The following LRRC4C variants were observed in gnomAD, a reference collection of about 807,000 sequenced individuals.
The protein encoded by LRRC4C is leucine rich repeat containing 4C.
In LRRC4C, 5 loss-of-function variants were observed where a neutral mutation model predicts 33.6. That is an observed-to-expected ratio of 0.15 (90% confidence interval 0.08 to 0.31). LRRC4C has a LOEUF of 0.31. LRRC4C is among the 10% of genes least tolerant of loss of function. The pLI is 1.00. For synonymous variants in LRRC4C, 329 were observed against 302.0 expected (o/e 1.09, Z -0.93); for missense variants, 560 against 796.7 (o/e 0.70, Z 3.58).
intron 1 of LRRC4C, among the ~76,000 whole-genome samples, chr11:41,244,904 C>T (rs1948392291): frequency 6.6e-6 from 1 of 152,080 alleles, no homozygotes; most frequent in African/African-American, 2.4e-5. Flanking sequence ...AACGATAATG[C>T]TTAGCATTAA....
chr11:40,188,526 A>G (rs560887988), intron 5 of LRRC4C, among the ~76,000 whole-genome samples: 51 of 152,300 alleles, frequency 3.3e-4, no homozygotes, highest in Admixed American at 1.4e-3. Flanking sequence ...TCTACCTTGC[A>G]TGTTTCTACT....
chr11:41,395,152 A>C (rs1222351343), intron 1 of LRRC4C, among the ~76,000 whole-genome samples: 1 of 151,990 alleles, frequency 6.6e-6, no homozygotes, highest in Admixed American at 6.6e-5. Context: ...CTCAGAGTTA[A>C]AACAGTTAAC....
chr11:40,650,616 T>C (rs1406689018), intron 2 of LRRC4C, among the ~76,000 whole-genome samples: 5 of 152,184 alleles, frequency 3.3e-5, no homozygotes, highest in Non-Finnish European at 7.4e-5. Flanking sequence ...TGAAATTTTG[T>C]TATTTGACAT....
At chr11:41,451,559 A>G (rs1248935666) in intron 1 of LRRC4C, among the ~76,000 whole-genome samples, 1 of 152,134 alleles carries the variant, frequency 6.6e-6, no homozygotes, top group African/African-American at 2.4e-5. Context: ...CACATCCAGG[A>G]GAGTCATGGC....
intron 4 of LRRC4C, among the ~76,000 whole-genome samples, chr11:40,282,515 G>C (rs1192412555): frequency 2.0e-5 from 3 of 152,030 alleles, no homozygotes; most frequent in Non-Finnish European, 4.4e-5. Context: ...GATTTCAAAA[G>C]CAGGATGAAG....
chr11:41,034,490 C>T (rs1590306309), intron 1 of LRRC4C, among the ~76,000 whole-genome samples: 1 of 143,634 alleles, frequency 7.0e-6, no homozygotes, highest in African/African-American at 2.6e-5. Context: ...TATATATATA[C>T]ACATATATAT....
chr11:40,514,964 T>G (rs1270495824), intron 3 of LRRC4C, among the ~76,000 whole-genome samples: 2 of 152,134 alleles, frequency 1.3e-5, no homozygotes, highest in Non-Finnish European at 2.9e-5. Flanking sequence ...AACTTGATAC[T>G]AAACTAAAAC....
chr11:40,175,382 C>G (rs1299361147), intron 5 of LRRC4C, among the ~76,000 whole-genome samples: 1 of 152,216 alleles, frequency 6.6e-6, no homozygotes, highest in Non-Finnish European at 1.5e-5. Flanking sequence ...AAAACCAGAC[C>G]GGCTTGTCTC....
intron 1 of LRRC4C, among the ~76,000 whole-genome samples, chr11:40,966,592 G>A (rs140632636): frequency 2.0e-5 from 3 of 151,874 alleles, no homozygotes; most frequent in Non-Finnish European, 4.4e-5. Flanking sequence ...CTTAGCATAG[G>A]TATGTACACC....
chr11:41,055,960 G>T (rs1004046246), intron 1 of LRRC4C, among the ~76,000 whole-genome samples: 1 of 152,094 alleles, frequency 6.6e-6, no homozygotes, highest in East Asian at 1.9e-4. Flanking sequence ...TGCTTTTAAT[G>T]CATATTTTCT....
intron 2 of LRRC4C, among the ~76,000 whole-genome samples, chr11:40,808,169 TC>T (rs1251784448): frequency 2.0e-5 from 3 of 152,094 alleles, no homozygotes; most frequent in African/African-American, 7.2e-5. Context: ...ATATTGTGTA[TC>T]CTATAGTATA....
intron 1 of LRRC4C, among the ~76,000 whole-genome samples, chr11:41,350,339 T>A (rs1453356378): frequency 6.6e-6 from 1 of 151,998 alleles, no homozygotes; most frequent in Non-Finnish European, 1.5e-5. Context: ...TGAAACCCTG[T>A]CTCCACTAAA....
intron 3 of LRRC4C, among the ~76,000 whole-genome samples, chr11:40,343,912 A>T (rs781316439): frequency 1.7e-4 from 26 of 152,036 alleles, no homozygotes; most frequent in Admixed American, 1.3e-4. Context: ...GAAATTGATG[A>T]ATTCCTAGAG....
chr11:40,761,507 C>T (rs1213607899), intron 2 of LRRC4C, among the ~76,000 whole-genome samples: 1 of 152,010 alleles, frequency 6.6e-6, no homozygotes, highest in African/African-American at 2.4e-5. Context: ...AAATGAATGT[C>T]GAAATTGGTT....
chr11:40,511,920 C>G (rs1337514472), intron 3 of LRRC4C, among the ~76,000 whole-genome samples: 1 of 151,904 alleles, frequency 6.6e-6, no homozygotes, highest in African/African-American at 2.4e-5. Flanking sequence ...GCTAGTGAAA[C>G]AAGAGTTAAT....
chr11:41,247,016 G>A (rs1948476888), intron 1 of LRRC4C, among the ~76,000 whole-genome samples: 1 of 152,200 alleles, frequency 6.6e-6, no homozygotes, highest in Non-Finnish European at 1.5e-5. Flanking sequence ...GTGAAGGTAG[G>A]TCACCCCTTC....
chr11:40,277,876 G>A (rs773849404), intron 4 of LRRC4C, among the ~76,000 whole-genome samples: 28 of 152,052 alleles, frequency 1.8e-4, no homozygotes, highest in Admixed American at 3.3e-4. Flanking sequence ...TATTGCAGTT[G>A]TCAAAAGGGT....
chr11:40,989,200 T>C (rs1382770074), intron 1 of LRRC4C, among the ~76,000 whole-genome samples: 3 of 152,210 alleles, frequency 2.0e-5, no homozygotes, highest in African/African-American at 4.8e-5. Flanking sequence ...TTATTTTTGA[T>C]ATCTTGAGCC....
intron 3 of LRRC4C, among the ~76,000 whole-genome samples, chr11:40,418,815 A>G (rs1950420501): frequency 6.6e-6 from 1 of 152,218 alleles, no homozygotes; most frequent in Non-Finnish European, 1.5e-5. Flanking sequence ...TTGCAGGGAC[A>G]CGGATGGAGC....
Sources: gnomAD v4.1 joint callset for allele counts (sites outside exome capture counted in the v4.1 genomes callset) on GRCh38, gnomAD v4.1.1 for gene constraint, MANE v1.5 for transcripts, NCBI Gene and HGNC (gene_info 2026-07-23, HGNC 2026-07-21) for gene names.